SH3KBP1: variants seen among roughly 807,000 people sequenced by gnomAD.
SH3KBP1 encodes the protein SH3 domain-containing kinase-binding protein 1.
A neutral mutation model predicts 50.1 loss-of-function variants in SH3KBP1; 8 were observed. The ratio of observed to expected loss-of-function variants is 0.16; its 90% CI spans 0.09 to 0.29. The LOEUF is 0.29. Ranked by LOEUF, SH3KBP1 falls within the 10% of genes least tolerant of loss-of-function variation. SH3KBP1 has a pLI of 1.00. For synonymous variants in SH3KBP1, 227 were observed against 218.6 expected (o/e 1.04, Z -0.34); for missense variants, 377 against 535.2 (o/e 0.70, Z 2.92).
chrX:19,861,497 T>TA (rs2068777730), intron 1 of SH3KBP1, among the ~76,000 whole-genome samples: 1 of 112,195 alleles, frequency 8.9e-6, no homozygotes, highest in Non-Finnish European at 1.9e-5. Flanking sequence ...AATTAAAAGA[T>TA]AAAATTATAA....
chrX:19,793,209 G>A (rs1405302724), intron 2 of SH3KBP1, among the ~76,000 whole-genome samples: 3 of 108,758 alleles, frequency 2.8e-5, no homozygotes, highest in Non-Finnish European at 5.7e-5. Context: ...GAGGTGGGAG[G>A]ATTGTTTGAG....
At chrX:19,757,450 C>T (rs1427728307) in intron 2 of SH3KBP1, among the ~76,000 whole-genome samples, 4 of 109,543 alleles carry the variant, frequency 3.7e-5, no homozygotes, top group African/African-American at 1.3e-4. Context: ...GCTCACCAGA[C>T]ACAAATGCAT....
intron 2 of SH3KBP1, among the ~76,000 whole-genome samples, chrX:19,770,508 T>C (rs1365621362): frequency 1.8e-5 from 2 of 112,091 alleles, no homozygotes. Flanking sequence ...AACATACTTG[T>C]GCGTGTGTCT....
At chrX:19,627,991 G>T (rs911025593) in intron 8 of SH3KBP1, among the ~76,000 whole-genome samples, 1 of 112,409 alleles carries the variant, frequency 8.9e-6, no homozygotes, top group Non-Finnish European at 1.9e-5. Flanking sequence ...TTTTATAATA[G>T]CAATAGTATA....
intron 6 of SH3KBP1, 25 bp downstream of exon 6, chrX:19,683,798 A>G (rs2063111481): frequency 1.7e-6 from 2 of 1,188,134 alleles, no homozygotes; most frequent in Non-Finnish European, 2.3e-6. Context: ...TTAAGTTGAA[A>G]TCAAATAGAA....
At chrX:19,828,021 G>A (rs762634559) in intron 2 of SH3KBP1, among the ~76,000 whole-genome samples, 1 of 109,725 alleles carries the variant, frequency 9.1e-6, no homozygotes, top group Admixed American at 9.8e-5. Context: ...CCCATCCCCC[G>A]CCAGGAGGGT....
intron 8 of SH3KBP1, among the ~76,000 whole-genome samples, chrX:19,625,219 T>C (rs1056985333): frequency 9.0e-6 from 1 of 111,638 alleles, no homozygotes; most frequent in African/African-American, 3.3e-5. Context: ...CATGTTTTAG[T>C]TCATTAATGA....
In SH3KBP1 at chrX:19,727,966, A is replaced by C. The variant is rs775988180; in HGVS notation, c.286+18352T>G. Among the ~76,000 whole-genome samples, 3 of 112,163 alleles carry C rather than the reference A, an allele frequency of 2.7e-5. No individual in the cohort carries two copies. The South Asian group carries it at 1.1e-3, about 41-fold the overall frequency. On this transcript the variant is annotated intron_variant, in intron 3 of 17. Transcript: ENST00000397821. ...CTCCAGCCTGGAAACAGAGCGAGAC[A>C]CCATCTCAAATAAAAAAGTATCACT...
intron 1 of SH3KBP1, among the ~76,000 whole-genome samples, chrX:19,877,945 T>A (rs1200334472): frequency 8.9e-6 from 1 of 111,982 alleles, no homozygotes; most frequent in African/African-American, 3.3e-5. Context: ...CAGAGGCCTT[T>A]TCTGGTCTTT....
intron 2 of SH3KBP1, among the ~76,000 whole-genome samples, chrX:19,788,277 AAAAAAAAAC>A (rs1197044931): frequency 2.0e-5 from 2 of 102,348 alleles, no homozygotes; most frequent in African/African-American, 7.6e-5. Flanking sequence ...TCCAAAAAAA[AAAAAAAAAC>A]AAAAAAAAAA....
intron 1 of SH3KBP1, among the ~76,000 whole-genome samples, chrX:19,872,207 G>C (rs780563350): frequency 5.5e-5 from 5 of 91,259 alleles, no homozygotes; most frequent in Non-Finnish European, 1.0e-4. Flanking sequence ...AGCTGAGATC[G>C]CGCCATTGCA....
intron 8 of SH3KBP1, among the ~76,000 whole-genome samples, chrX:19,618,698 G>A (rs1266210469): frequency 3.6e-5 from 4 of 111,447 alleles, no homozygotes; most frequent in African/African-American, 1.3e-4. Context: ...GTAATTGGCC[G>A]GGTGCAGTGG....
rs772227965 is a variant in SH3KBP1, at chrX:19,639,123, G to A, written c.802+6277C>T. On this transcript the variant is annotated intron_variant, in intron 7 of 17. Transcript: ENST00000397821. ...CAAATGTCAATACTGCTGAGGTGAA[G>A]AAGCCATGGTCTACATTTAAATTGA... Among the ~76,000 whole-genome samples, 12 of 111,578 alleles carry A rather than the reference G, an allele frequency of 1.1e-4. No individual in the cohort carries two copies. In the East Asian group the frequency reaches 2.8e-3, roughly 26 times the overall value.
chrX:19,757,637 T>A (rs760823398), intron 2 of SH3KBP1, among the ~76,000 whole-genome samples: 10 of 109,784 alleles, frequency 9.1e-5, no homozygotes, highest in Non-Finnish European at 1.9e-4. Flanking sequence ...CCGCCTCTTA[T>A]GTGAAAATTG....
chrX:19,698,418 G>A (rs768997428), intron 4 of SH3KBP1, among the ~76,000 whole-genome samples: 17 of 112,283 alleles, frequency 1.5e-4, no homozygotes, highest in African/African-American at 3.9e-4. Flanking sequence ...GAAAACAGAC[G>A]TATCTTCACC....
At chrX:19,665,687 C>G (rs2062580835) in intron 6 of SH3KBP1, among the ~76,000 whole-genome samples, 1 of 111,806 alleles carries the variant, frequency 8.9e-6, no homozygotes, top group African/African-American at 3.2e-5. Context: ...CCTCCAATGC[C>G]ACAGAGAAGT....
chrX:19,878,505 T>TGAGA (rs57445899), intron 1 of SH3KBP1, among the ~76,000 whole-genome samples: 8 of 48,255 alleles, frequency 1.7e-4, no homozygotes, highest in African/African-American at 3.0e-4. Flanking sequence ...TGTGTGTGTG[T>TGAGA]GAGAGAGAGA....
chrX:19,757,487 G>T (rs2065246122), intron 2 of SH3KBP1, among the ~76,000 whole-genome samples: 1 of 104,970 alleles, frequency 9.5e-6, no homozygotes, highest in African/African-American at 3.5e-5. Flanking sequence ...GCCCCATTTT[G>T]TCTATGTTAT....
chrX:19,626,594 G>T (rs2068029194), intron 8 of SH3KBP1, among the ~76,000 whole-genome samples: 1 of 108,753 alleles, frequency 9.2e-6, no homozygotes, highest in African/African-American at 3.4e-5. Flanking sequence ...GGGGGACAGG[G>T]TCTCACTCTG....
Sources: gnomAD v4.1 joint callset for allele counts (sites outside exome capture counted in the v4.1 genomes callset) on GRCh38, gnomAD v4.1.1 for gene constraint, MANE v1.5 for transcripts, NCBI Gene and HGNC (gene_info 2026-07-23, HGNC 2026-07-21) for gene names.